The following CCAR1 variants were observed in gnomAD, a reference collection of about 807,000 sequenced individuals.
The protein encoded by CCAR1 is cell division cycle and apoptosis regulator 1, also known as cell division cycle and apoptosis regulator protein 1.
Under a neutral mutation model 163.8 loss-of-function variants are expected in CCAR1, and 78 were observed. The observed-to-expected ratio is 0.48, with a 90% CI of 0.40 to 0.57. The LOEUF (loss-of-function observed/expected upper bound fraction) is 0.57. Among genes scored for constraint, CCAR1 ranks in the 20% least tolerant of loss-of-function variants. The probability of loss-of-function intolerance (pLI) is 0.00; values close to 1 mark genes in which losing one functional copy is unlikely to be tolerated. For synonymous variants in CCAR1, 443 were observed against 460.7 expected, an observed-to-expected ratio of 0.96 and a Z score of 0.49; for missense variants, 1,019 against 1,365.2, an observed-to-expected ratio of 0.75 and a Z score of 4.00.
chr10:68,791,213 G>A lies in CCAR1; in HGVS notation c.3400G>A (p.Val1134Ile), dbSNP rs369294276. 2.3e-5 allele frequency: 37 copies of A among 1,576,696 alleles called. No homozygotes were observed. Among genetic ancestry groups the A allele is most frequent in the African/African-American group, 8.1e-5 (6 of 73,936 alleles). ...EIHTVLKKDNVKNEDKDQKSK... is the reference protein window; with the variant it reads ...EIHTVLKKDNIKNEDKDQKSK... ...CTTCTCTATTGTCTTATAGGATAAT[G>A]TAAAGAATGAAGACAAAGATCAAAA... is the stretch of plus-strand genomic sequence containing the variant. The change falls in exon 25 of 25, where the codon GTA becomes ATA. Residue 1134 changes from valine (V) to isoleucine (I), a missense_variant. This residue lies in a region of CCAR1 where 358 missense variants were observed against 406.4 expected (regional missense o/e 0.88). Coordinates refer to ENST00000265872, the MANE Select transcript of CCAR1 (RefSeq NM_018237.4).
intron 16 of CCAR1, among the ~76,000 whole-genome samples, chr10:68,763,782 G>T (rs1347703255): frequency 6.6e-6 from 1 of 152,186 alleles, no homozygotes; most frequent in Admixed American, 6.6e-5. Context: ...AATTGTCCCA[G>T]AGTTGGACGG....
intron 2 of CCAR1, among the ~76,000 whole-genome samples, chr10:68,722,951 G>A (rs2055880716): frequency 6.6e-6 from 1 of 151,682 alleles, no homozygotes. Context: ...ACATGAATTA[G>A]GCTGTTCTGA....
rs1328427292 is a variant in CCAR1, at chr10:68,747,280, A to C, written c.633+5A>C. On this transcript the variant is annotated splice_donor_5th_base_variant and intron_variant, in intron 7 of 24. Transcript: ENST00000265872. ...ATTCAAACACTACCAAATCAGGTAC[A>C]GAAAGTATTGAGTTAGGTATTATAG... is the stretch of plus-strand genomic sequence containing the variant. 6.3e-7 allele frequency: 1 copy of C among 1,591,292 alleles called. No individual in the cohort carries two copies. The highest frequency in any genetic ancestry group is 2.2e-5 in the East Asian group (1 of 44,784).
chr10:68,781,046 A>G (rs2056728909), intron 19 of CCAR1, among the ~76,000 whole-genome samples: 1 of 151,998 alleles, frequency 6.6e-6, no homozygotes, highest in African/African-American at 2.4e-5. Context: ...AGCCTGGCCA[A>G]CATGGCGAAA....
At chr10:68,753,435 A>G (rs895387543) in intron 10 of CCAR1, among the ~76,000 whole-genome samples, 1 of 152,160 alleles carries the variant, frequency 6.6e-6, no homozygotes, top group Non-Finnish European at 1.5e-5. Context: ...TAATTTTTCT[A>G]CACTCAAAAA....
At chr10:68,722,667 G>A in intron 2 of CCAR1, 90 bp downstream of exon 2, 1 of 965,094 alleles carries the variant, frequency 1.0e-6, no homozygotes, top group Non-Finnish European at 1.6e-6. Context: ...GCTCACGCCT[G>A]TTATCCTAGC....
chr10:68,749,259 A>G lies in CCAR1; in HGVS notation c.950A>G (p.Asp317Gly), dbSNP rs1174490838. ...RGDQVPNRKDDRSRERERERR... is the reference protein window; with the variant it reads ...RGDQVPNRKDGRSRERERERR... ...GATCAAGTGCCTAACAGAAAAGATG[A>G]TCGAAGGTATATTTTCTAAAGTGTA... Residue 317 changes from aspartate (D) to glycine (G), a missense_variant, in exon 9 of 25, where the codon GAT becomes GGT. Coordinates refer to ENST00000265872, the MANE Select transcript of CCAR1 (RefSeq NM_018237.4). 1 of 1,607,112 alleles carries G rather than the reference A, an allele frequency of 6.2e-7. No individual in the cohort carries two copies. Among genetic ancestry groups the G allele is most frequent in the Non-Finnish European group, 8.5e-7 (1 of 1,178,130 alleles).
intron 17 of CCAR1, among the ~76,000 whole-genome samples, chr10:68,766,755 C>T (rs756132203): frequency 6.6e-6 from 1 of 152,150 alleles, no homozygotes; most frequent in East Asian, 1.9e-4. Context: ...CGAACTCCAA[C>T]CTCAGGTGAT....
intron 6 of CCAR1, among the ~76,000 whole-genome samples, chr10:68,743,200 CTT>C (rs567782298): frequency 1.5e-4 from 20 of 132,690 alleles, no homozygotes; most frequent in Middle Eastern, 4.2e-3. Context: ...TTTTCTTTTT[CTT>C]TTTTTTTTTT....
rs571602337 is a variant in CCAR1, at chr10:68,757,628, T to C, written c.1920+251T>C. Among the ~76,000 whole-genome samples, 13 of 151,886 alleles carry C rather than the reference T, an allele frequency of 8.6e-5. 1 individual carries two copies. In the South Asian group the frequency reaches 2.7e-3, roughly 32 times the overall value. On this transcript the variant is annotated intron_variant, in intron 15 of 24. Coordinates refer to ENST00000265872, the MANE Select transcript of CCAR1 (RefSeq NM_018237.4). ...ACAAGGTTTCAGAATGTTGGCCAGTTTGGTCTCGAACTCCTGACATCAGGT... is the reference window on the plus strand; with the variant it reads ...ACAAGGTTTCAGAATGTTGGCCAGTCTGGTCTCGAACTCCTGACATCAGGT...
chr10:68,732,779 A>T (rs1212781610), intron 2 of CCAR1, among the ~76,000 whole-genome samples: 1 of 152,188 alleles, frequency 6.6e-6, no homozygotes, highest in Non-Finnish European at 1.5e-5. Context: ...CCTATGCCCT[A>T]TCCAGGCATG....
chr10:68,747,422 C>G lies in CCAR1; in HGVS notation c.682C>G (p.Gln228Glu). 1.2e-6 allele frequency: 2 copies of G among 1,614,114 alleles called. No homozygotes were observed. The highest frequency in any genetic ancestry group is 1.7e-5 in the Admixed American group (1 of 60,006). ...ACTGAAGACTCCTCCTGCTGTACTT[C>G]AGCCAATTGCACCACAGACAACATT... Reference protein sequence around the residue: ...PLLKTPPAVLQPIAPQTTFGV... With the variant: ...PLLKTPPAVLEPIAPQTTFGV... Residue 228 changes from glutamine to glutamate, a missense_variant, in exon 8 of 25, where the codon CAG becomes GAG. Gln to Glu is a conservative substitution (Grantham distance 29). Coordinates refer to ENST00000265872, the MANE Select transcript of CCAR1 (RefSeq NM_018237.4).
rs149220951 is a variant in CCAR1 at position 68,744,303 on chromosome 10, C to T, written c.518+1734C>T. 1.8e-4 allele frequency among the ~76,000 whole-genome samples: 28 copies of T among 152,292 alleles called. No homozygotes were observed. The East Asian group carries it at 4.6e-3, about 25-fold the overall frequency. On this transcript the variant is annotated intron_variant, in intron 6 of 24. Coordinates refer to ENST00000265872, the MANE Select transcript of CCAR1 (RefSeq NM_018237.4). ...ATTTTGAAATCTAATCTTTGTTTGA[C>T]GTGTCTAATGACGTAGCATAGATTT...
intron 19 of CCAR1, among the ~76,000 whole-genome samples, chr10:68,780,502 T>A (rs1564551597): frequency 6.6e-6 from 1 of 152,200 alleles, no homozygotes; most frequent in Non-Finnish European, 1.5e-5. Context: ...CATTAGAACA[T>A]TTGCTTAATT....
intron 4 of CCAR1, 43 bp from the exon 5 acceptor site, chr10:68,740,586 C>G (rs1381264060): frequency 6.4e-7 from 1 of 1,553,174 alleles, no homozygotes; most frequent in South Asian, 1.1e-5. Flanking sequence ...AGCAACAATT[C>G]TGATTGACCC....
chr10:68,777,435 C>T (rs573184579), intron 19 of CCAR1, among the ~76,000 whole-genome samples: 71 of 152,200 alleles, frequency 4.7e-4, no homozygotes, highest in Admixed American at 1.4e-3. Context: ...AATCTCAGCA[C>T]TTTGTGGGAG....
chr10:68,752,275 G>C (rs1265803693), intron 10 of CCAR1, among the ~76,000 whole-genome samples: 1 of 152,000 alleles, frequency 6.6e-6, no homozygotes, highest in Non-Finnish European at 1.5e-5. Context: ...TGGATCTCTT[G>C]CAAGTAAAAA....
At chr10:68,725,140 CAA>C (rs879289061) in intron 2 of CCAR1, among the ~76,000 whole-genome samples, 1 of 134,638 alleles carries the variant, frequency 7.4e-6, no homozygotes, top group African/African-American at 2.7e-5. Context: ...AACTCCGTCT[CAA>C]AAAAAAAAAA....
At chr10:68,732,049 A>G (rs1431097336) in intron 2 of CCAR1, among the ~76,000 whole-genome samples, 1 of 152,140 alleles carries the variant, frequency 6.6e-6, no homozygotes, top group East Asian at 1.9e-4. Flanking sequence ...ACATTCTGCG[A>G]TTTTGGCTCT....
Sources: allele counts gnomAD v4.1 joint callset (sites outside exome capture counted in the v4.1 genomes callset), GRCh38; gene constraint gnomAD v4.1.1; regional missense constraint gnomAD v4.1.1; transcripts MANE v1.5; gene names NCBI Gene and HGNC (gene_info 2026-07-23, HGNC 2026-07-21).